CFAP46: variants seen among roughly 807,000 people sequenced by gnomAD.
The protein encoded by CFAP46 is cilia- and flagella-associated protein 46.
In CFAP46, 245 loss-of-function variants were observed where a neutral mutation model predicts 325.7. The ratio of observed to expected loss-of-function variants is 0.75; its 90% CI spans 0.68 to 0.84. CFAP46 has a LOEUF of 0.84. Ranked by LOEUF, CFAP46 falls within the 40% of genes least tolerant of loss-of-function variation. CFAP46 has a pLI of 0.00. For synonymous variants in CFAP46, 1,523 were observed against 1,495.9 expected, an observed-to-expected ratio of 1.02 and a Z score of -0.42; for missense variants, 3,346 against 3,543.0, an observed-to-expected ratio of 0.94 and a Z score of 1.41.
chr10:132,915,916 G>C (rs555589205), intron 17 of CFAP46, among the ~76,000 whole-genome samples: 1 of 151,950 alleles, frequency 6.6e-6, no homozygotes, highest in African/African-American at 2.4e-5. Flanking sequence ...TAAAATTCTT[G>C]TCAATTAAAA....
rs1554876278 is a variant in CFAP46, at chr10:132,832,396, C to CCA, written c.7117+961_7117+962insTG. On this transcript the variant is annotated intron_variant, in intron 50 of 57. Coordinates refer to ENST00000368586, the MANE Select transcript of CFAP46 (RefSeq NM_001200049.3). This position sits in a 1 kb window ranked among gnomAD's most constrained non-coding sequence, Gnocchi z 4.1. Reference sequence around the variant, plus strand: ...ACCCCTGGGCTCTTCCTGCCCCCCCCCCCCAATGCTGTGGCCTGGAAATTC... The same window carrying CCA: ...ACCCCTGGGCTCTTCCTGCCCCCCCCCACCCCAATGCTGTGGCCTGGAAATTC... 7.0e-6 allele frequency among the ~76,000 whole-genome samples: 1 copy of CCA among 142,204 alleles called. No homozygotes were observed. Among genetic ancestry groups the CCA allele is most frequent in the Admixed American group, 6.9e-5 (1 of 14,440 alleles). 93.3% of individuals were successfully genotyped at this position (142,204 alleles called of 152,430 possible). A position where few individuals can be genotyped will look rare whatever the true frequency, so the allele number is the denominator to read the frequency against.
intron 54 of CFAP46, 77 bp downstream of exon 54, chr10:132,814,075 G>T: frequency 8.7e-7 from 1 of 1,148,790 alleles, no homozygotes; most frequent in East Asian, 2.4e-5. Flanking sequence ...GGGAGCCGGG[G>T]GTAGGGGGCA....
intron 24 of CFAP46, among the ~76,000 whole-genome samples, chr10:132,895,211 C>T (rs909808708): frequency 4.6e-5 from 7 of 152,178 alleles, no homozygotes; most frequent in South Asian, 2.1e-4. Context: ...AGGAGAAAAA[C>T]CACACAACCG....
At chr10:132,851,404 C>G in intron 39 of CFAP46, 99 bp from the exon 40 acceptor site, 1 of 1,149,398 alleles carries the variant, frequency 8.7e-7, no homozygotes, top group Non-Finnish European at 1.2e-6. Context: ...GTAAGAAACT[C>G]ATAACAAACT....
intron 22 of CFAP46, 148 bp downstream of exon 22, chr10:132,908,320 G>T: frequency 1.0e-6 from 1 of 957,384 alleles, no homozygotes; most frequent in Non-Finnish European, 1.5e-6. Context: ...CACGCGCCCT[G>T]ATCTGTGATC....
At chr10:132,823,860 T>TGCTGTCTGTGCGCTGATGTGC (rs1314130249) in intron 50 of CFAP46, among the ~76,000 whole-genome samples, 2 of 148,216 alleles carry the variant, frequency 1.3e-5, no homozygotes, top group Non-Finnish European at 3.0e-5. Flanking sequence ...TGCTGATGTG[T>TGCTGTCTGTGCGCTGATGTGC]GCTGTCTGTG....
chr10:132,862,397 C>T (rs1235889168), intron 35 of CFAP46, among the ~76,000 whole-genome samples: 3 of 69,148 alleles, frequency 4.3e-5, no homozygotes, highest in Non-Finnish European at 5.4e-5. Flanking sequence ...AGAGCTTGGC[C>T]GGGGGTGAGG....
rs1848970561 is a variant in CFAP46 at position 132,877,308 on chromosome 10, C to T, written c.4213-347G>A. On this transcript the variant is annotated intron_variant, in intron 30 of 57. Transcript: ENST00000368586. The surrounding 1 kb of genome is among the most constrained non-coding windows in gnomAD (Gnocchi z 5.7). The stretch of plus-strand genomic sequence containing the variant: ...GTGCTGGGGTCCGGGTGTGAGCGTC[C>T]CATGAACTCAGCAGTGCTCGTGCCG... Among the ~76,000 whole-genome samples, 1 of 151,972 alleles carries T rather than the reference C, an allele frequency of 6.6e-6. No individual in the cohort carries two copies. The highest frequency in any genetic ancestry group is 1.5e-5 in the Non-Finnish European group (1 of 67,996).
chr10:132,852,919 C>T (rs576180186), intron 39 of CFAP46, among the ~76,000 whole-genome samples: 4 of 152,334 alleles, frequency 2.6e-5, no homozygotes, highest in South Asian at 4.1e-4. Flanking sequence ...TGCAACCTTA[C>T]AAAACTCAGC....
At chr10:132,894,050 G>A (rs1308656708) in intron 24 of CFAP46, among the ~76,000 whole-genome samples, 1 of 152,000 alleles carries the variant, frequency 6.6e-6, no homozygotes, top group East Asian at 1.9e-4. Flanking sequence ...TGAGGTTGCT[G>A]CAGCCCCCTG....
At position 132,860,847 on chromosome 10, in the gene CFAP46, A is replaced by AG; in HGVS notation, c.5025_5026insC (p.Tyr1676LeufsTer74). On this transcript the variant is annotated frameshift_variant, in exon 36 of 58. Coordinates refer to ENST00000368586, the MANE Select transcript of CFAP46 (RefSeq NM_001200049.3). LOFTEE classifies it high-confidence loss of function. ...TCTGCCAGGGTCAGAGTGGAATTGT[A>AG]CCAGAACTCCTCACTTCCGCCCAGG... 1 of 1,551,054 alleles carries AG rather than the reference A, an allele frequency of 6.4e-7. No individual in the cohort carries two copies. The highest frequency in any genetic ancestry group is 8.7e-7 in the Non-Finnish European group (1 of 1,147,090).
At chr10:132,835,220 C>G (rs1167825025) in intron 47 of CFAP46, 84 bp downstream of exon 47, 23 of 1,550,100 alleles carry the variant, frequency 1.5e-5, no homozygotes, top group Non-Finnish European at 1.9e-5. Flanking sequence ...CCCCGCCCCT[C>G]CCCCCACCTC....
chr10:132,813,260 G>A (rs1008065544), intron 54 of CFAP46, among the ~76,000 whole-genome samples: 21 of 151,954 alleles, frequency 1.4e-4, no homozygotes, highest in Admixed American at 1.3e-3. Flanking sequence ...CCAGACCAGG[G>A]TTCCCTCCTT....
chr10:132,932,590 G>GCGCCTTCCTCCTCCC (rs1439495131), intron 8 of CFAP46, among the ~76,000 whole-genome samples: 1 of 148,054 alleles, frequency 6.8e-6, no homozygotes. Context: ...CATAGATCCT[G>GCGCCTTCCTCCTCCC]CAGCTTCCTC....
intron 50 of CFAP46, among the ~76,000 whole-genome samples, chr10:132,831,037 C>T (rs1332728830): frequency 6.6e-6 from 1 of 152,144 alleles, no homozygotes; most frequent in Non-Finnish European, 1.5e-5. Context: ...CTTCTTTTAT[C>T]CGTGGGTATT....
In CFAP46 at chr10:132,847,917, C is replaced by T. The variant is rs552910662; in HGVS notation, c.5953-596G>A. 1.8e-4 allele frequency among the ~76,000 whole-genome samples: 28 copies of T among 152,276 alleles called. No individual in the cohort carries two copies. The highest frequency in any genetic ancestry group is 6.5e-4 in the African/African-American group (27 of 41,560). On this transcript the variant is annotated intron_variant, in intron 41 of 57. Coordinates refer to ENST00000368586, the MANE Select transcript of CFAP46 (RefSeq NM_001200049.3). The surrounding 1 kb of genome is among the most constrained non-coding windows in gnomAD (Gnocchi z 5.2). Reference sequence around the variant, plus strand: ...TGGAGAAGGAGTGATGGACATGTCCCCGTTCTAGTAGGCTGCCTGAATGCA... The same window carrying T: ...TGGAGAAGGAGTGATGGACATGTCCTCGTTCTAGTAGGCTGCCTGAATGCA...
At chr10:132,857,290 C>A (rs902300218) in intron 39 of CFAP46, among the ~76,000 whole-genome samples, 2 of 152,198 alleles carry the variant, frequency 1.3e-5, no homozygotes, top group Non-Finnish European at 2.9e-5. Context: ...CCTGGCTCTC[C>A]CCAGGCTCTC....
At chr10:132,893,000 GC>G (rs1471818419) in intron 24 of CFAP46, among the ~76,000 whole-genome samples, 1 of 152,150 alleles carries the variant, frequency 6.6e-6, no homozygotes, top group Non-Finnish European at 1.5e-5. Context: ...CCAGGGAAAG[GC>G]CATCTCCCAA....
intron 50 of CFAP46, among the ~76,000 whole-genome samples, chr10:132,820,001 A>C (rs1001366394): frequency 6.6e-6 from 1 of 152,256 alleles, no homozygotes; most frequent in African/African-American, 2.4e-5. Flanking sequence ...ATAAGGGATC[A>C]ATAGCCTAAG....
Sources: allele counts gnomAD v4.1 joint callset (sites outside exome capture counted in the v4.1 genomes callset), GRCh38; gene constraint gnomAD v4.1.1; non-coding constraint Gnocchi (gnomAD v3.1); transcripts MANE v1.5; gene names NCBI Gene and HGNC (gene_info 2026-07-23, HGNC 2026-07-21).